Variants in ZFPM2 observed in about 807,000 individuals in gnomAD.
ZFPM2 encodes zinc finger protein ZFPM2.
In ZFPM2, 20 loss-of-function variants were observed where a neutral mutation model predicts 98.6. The observed-to-expected ratio is 0.20, with a 90% CI of 0.14 to 0.29. ZFPM2 has a LOEUF of 0.29. ZFPM2 is among the 10% of genes least tolerant of loss of function. The probability of loss-of-function intolerance (pLI) is 1.00; values close to 1 mark genes in which losing one functional copy is unlikely to be tolerated. For missense variants in ZFPM2, 1,310 were observed against 1,388.6 expected, an observed-to-expected ratio of 0.94 and a Z score of 0.90; for synonymous variants, 518 against 502.7, an observed-to-expected ratio of 1.03 and a Z score of -0.41.
intron 5 of ZFPM2, among the ~76,000 whole-genome samples, chr8:105,746,654 AATTTTTTTTT>A (rs1812355460): frequency 8.9e-6 from 1 of 112,018 alleles, no homozygotes; most frequent in African/African-American, 3.2e-5. Flanking sequence ...TGTTTTTAAA[AATTTTTTTTT>A]TTTTTTTTTT....
intron 4 of ZFPM2, among the ~76,000 whole-genome samples, chr8:105,592,483 A>G (rs1815871478): frequency 6.6e-6 from 1 of 152,150 alleles, no homozygotes; most frequent in Non-Finnish European, 1.5e-5. Flanking sequence ...CTCCCAGTGC[A>G]ATTGAAACCT....
intron 3 of ZFPM2, among the ~76,000 whole-genome samples, chr8:105,540,145 A>G (rs1264893370): frequency 1.3e-5 from 2 of 152,074 alleles, no homozygotes; most frequent in Non-Finnish European, 2.9e-5. Flanking sequence ...TTTTATTTTA[A>G]GGTGAAAGCC....
intron 3 of ZFPM2, among the ~76,000 whole-genome samples, chr8:105,501,534 C>T (rs1438538279): frequency 6.8e-6 from 1 of 147,146 alleles, no homozygotes; most frequent in Non-Finnish European, 1.5e-5. Flanking sequence ...GACTGAGTCT[C>T]ACTCTGTCAC....
intron 5 of ZFPM2, among the ~76,000 whole-genome samples, chr8:105,759,692 T>C (rs1812694240): frequency 6.6e-6 from 1 of 151,808 alleles, no homozygotes; most frequent in South Asian, 2.1e-4. Context: ...TATCTTGAAC[T>C]GCAATCTAGT....
chr8:105,480,893 G>A (rs573345476), intron 3 of ZFPM2, among the ~76,000 whole-genome samples: 1 of 152,024 alleles, frequency 6.6e-6, no homozygotes, highest in South Asian at 2.1e-4. Flanking sequence ...TGGGACTATG[G>A]GCACCCGCCA....
chr8:105,687,882 TAAA>T (rs1810777285), intron 5 of ZFPM2, among the ~76,000 whole-genome samples: 1 of 151,662 alleles, frequency 6.6e-6, no homozygotes, highest in Non-Finnish European at 1.5e-5. Flanking sequence ...GGGAAAGAAA[TAAA>T]AGAAGAATAC....
chr8:105,549,787 A>AT (rs569901246), intron 3 of ZFPM2, among the ~76,000 whole-genome samples: 80 of 150,636 alleles, frequency 5.3e-4, no homozygotes, highest in African/African-American at 1.4e-3. Flanking sequence ...AATTTTTTGT[A>AT]TTTTTTTTGT....
At chr8:105,446,680 A>G (rs1029041923) in intron 3 of ZFPM2, among the ~76,000 whole-genome samples, 7 of 152,108 alleles carry the variant, frequency 4.6e-5, no homozygotes, top group African/African-American at 1.7e-4. Context: ...TTTTCTGGGC[A>G]CATATGGTTA....
chr8:105,726,811 G>C (rs538259412), intron 5 of ZFPM2, among the ~76,000 whole-genome samples: 1 of 151,684 alleles, frequency 6.6e-6, no homozygotes, highest in Non-Finnish European at 1.5e-5. Context: ...GAAGGAGACC[G>C]TGAATTAAGT....
At chr8:105,450,899 G>T (rs1005300086) in intron 3 of ZFPM2, among the ~76,000 whole-genome samples, 3 of 151,872 alleles carry the variant, frequency 2.0e-5, no homozygotes, top group Non-Finnish European at 4.4e-5. Context: ...AATGCCACAT[G>T]AACACAGTAA....
At chr8:105,487,052 T>C (rs1389743880) in intron 3 of ZFPM2, among the ~76,000 whole-genome samples, 2 of 152,184 alleles carry the variant, frequency 1.3e-5, no homozygotes, top group Non-Finnish European at 2.9e-5. Context: ...TTTTTGGTGC[T>C]TTCATAGCTT....
chr8:105,424,115 C>T (rs1164519832), intron 2 of ZFPM2, among the ~76,000 whole-genome samples: 3 of 152,220 alleles, frequency 2.0e-5, no homozygotes, highest in Non-Finnish European at 4.4e-5. Flanking sequence ...ATTCATGAAA[C>T]CAAACACCAC....
intron 1 of ZFPM2, among the ~76,000 whole-genome samples, chr8:105,330,635 T>C (rs1473473175): frequency 2.9e-4 from 27 of 91,926 alleles, no homozygotes; most frequent in African/African-American, 5.8e-4. Context: ...TATATATACA[T>C]ATATATATAT....
chr8:105,434,647 T>A (rs1005760902), intron 2 of ZFPM2, among the ~76,000 whole-genome samples: 1 of 152,232 alleles, frequency 6.6e-6, no homozygotes, highest in Non-Finnish European at 1.5e-5. Context: ...AGTAGATCTG[T>A]CACTTCTGAA....
chr8:105,352,747 A>G (rs1451648103), intron 1 of ZFPM2, among the ~76,000 whole-genome samples: 5 of 152,090 alleles, frequency 3.3e-5, no homozygotes, highest in African/African-American at 1.2e-4. Flanking sequence ...TGTGGTTCAG[A>G]TTTTTGTCCT....
intron 4 of ZFPM2, among the ~76,000 whole-genome samples, chr8:105,620,342 G>A (rs1186073205): frequency 6.6e-6 from 1 of 152,164 alleles, no homozygotes; most frequent in African/African-American, 2.4e-5. Flanking sequence ...TTTGAGGAGT[G>A]TCTGTTCATA....
chr8:105,590,956 A>T (rs1815829691), intron 4 of ZFPM2, among the ~76,000 whole-genome samples: 1 of 152,208 alleles, frequency 6.6e-6, no homozygotes, highest in Non-Finnish European at 1.5e-5. Flanking sequence ...AATAGGAGGG[A>T]TTAAAGGGCT....
chr8:105,528,962 A>G (rs1008923660), intron 3 of ZFPM2: 1 of 152,186 alleles, frequency 6.6e-6, no homozygotes, highest in African/African-American at 2.4e-5. Flanking sequence ...AGGGCTTCTG[A>G]AAACAAGGTA....
At chr8:105,505,904 T>C (rs1377099709) in intron 3 of ZFPM2, among the ~76,000 whole-genome samples, 2 of 151,768 alleles carry the variant, frequency 1.3e-5, no homozygotes, top group African/African-American at 4.9e-5. Flanking sequence ...CTGTGTTTGA[T>C]GGAAATATTT....
Sources: allele counts gnomAD v4.1 joint callset (sites outside exome capture counted in the v4.1 genomes callset), GRCh38; gene constraint gnomAD v4.1.1; transcripts MANE v1.5; gene names NCBI Gene and HGNC (gene_info 2026-07-23, HGNC 2026-07-21).